IFNA8: variants seen among roughly 807,000 people sequenced by gnomAD.
The protein encoded by IFNA8 is interferon alpha-8.
For missense variants in IFNA8, 246 were observed against 212.3 expected, an observed-to-expected ratio of 1.16 and a Z score of -0.99; for synonymous variants, 91 against 84.4, an observed-to-expected ratio of 1.08 and a Z score of -0.43.
At position 21,409,331 on chromosome 9, in the gene IFNA8, G is replaced by T. The variant is rs780439536; in HGVS notation, c.155G>T (p.Cys52Phe). Residue 52 changes from cysteine (C) to phenylalanine (F), a missense_variant, in exon 1 of 1, where the codon TGC becomes TTC. Coordinates refer to ENST00000380205, the MANE Select transcript of IFNA8 (RefSeq NM_002170.4). The part of the protein sequence containing the change: ...AQMRRISPFS[C>F]LKDRHDFEFP... ...ATGCGAAGAATCTCTCCTTTCTCCT[G>T]CCTGAAGGACAGACATGACTTTGAA... 41 of 1,613,934 alleles carry T rather than the reference G, an allele frequency of 2.5e-5. 1 individual carries two copies. The Admixed American group carries it at 5.0e-4, about 20-fold the overall frequency.
rs1475585211 is a variant in IFNA8 at position 21,409,165 on chromosome 9, A to G, written c.-12A>G. On this transcript the variant is annotated 5_prime_UTR_variant, in exon 1 of 1. Transcript: ENST00000380205. Reference sequence around the variant, plus strand: ...CATCTGAACCAGCTCAGCAGCATCCACAACATCTACAATGGCCTTGACTTT... The same window carrying G: ...CATCTGAACCAGCTCAGCAGCATCCGCAACATCTACAATGGCCTTGACTTT... 6.2e-7 allele frequency: 1 copy of G among 1,612,658 alleles called. No individual in the cohort carries two copies. Among genetic ancestry groups the G allele is most frequent in the Non-Finnish European group, 8.5e-7 (1 of 1,179,070 alleles).
In IFNA8 at chr9:21,409,573, C is replaced by G. The variant is rs543670797; in HGVS notation, c.397C>G (p.Pro133Ala). Residue 133 changes from proline to alanine, a missense_variant, in exon 1 of 1, where the codon CCC becomes GCC. By Grantham distance (27) the Pro-to-Ala change is conservative. Coordinates refer to ENST00000380205, the MANE Select transcript of IFNA8 (RefSeq NM_002170.4). ...GCAGGAAGTGGGGGTGATAGAGTCT[C>G]CCCTGATGTACGAGGACTCCATCCT... ...VMQEVGVIESPLMYEDSILAV... is the reference protein window; with the variant it reads ...VMQEVGVIESALMYEDSILAV... The G allele has an allele frequency of 6.2e-7, 1 of 1,614,002 alleles. No homozygotes were observed. Among genetic ancestry groups the G allele is most frequent in the African/African-American group, 1.3e-5 (1 of 75,016 alleles).
rs147449554 is a variant in IFNA8 at position 21,409,479 on chromosome 9, T to C, written c.303T>C (p.Asp101=). Residue 101 remains aspartate, a synonymous_variant, in exon 1 of 1, where the codon GAT becomes GAC. Transcript: ENST00000380205. ...CAAAGGACTCATCTGCTGCTTTGGA[T>C]GAGACCCTTCTAGATGAATTCTACA... ...FSTKDSSAAL[D]ETLLDEFYIE... 939 of 1,614,028 alleles carry C rather than the reference T, an allele frequency of 5.8e-4. 2 individuals are homozygous for C. Among genetic ancestry groups the C allele is most frequent in the Non-Finnish European group, 7.5e-4 (883 of 1,179,890 alleles).
In IFNA8 at chr9:21,409,570, T is replaced by G. The variant is rs1818016742; in HGVS notation, c.394T>G (p.Ser132Ala). The G allele has an allele frequency of 6.2e-7, 1 of 1,613,650 alleles. No individual in the cohort carries two copies. The highest frequency in any genetic ancestry group is 8.5e-7 in the Non-Finnish European group (1 of 1,179,872). ...GATGCAGGAAGTGGGGGTGATAGAG[T>G]CTCCCCTGATGTACGAGGACTCCAT... ...CVMQEVGVIE[S>A]PLMYEDSILA... Residue 132 changes from serine to alanine, a missense_variant, in exon 1 of 1, where the codon TCT becomes GCT. Transcript: ENST00000380205.
chr9:21,409,638 G>C lies in IFNA8; in HGVS notation c.462G>C (p.Leu154=), dbSNP rs746163587. The change falls in exon 1 of 1, where the codon CTG becomes CTC. Residue 154 remains leucine (L), a synonymous_variant. Transcript: ENST00000380205. ...ACTTCCAAAGAATCACTCTATATCT[G>C]ACAGAGAAGAAATACAGCTCTTGTG... ...RKYFQRITLY[L]TEKKYSSCAW... 6.8e-6 allele frequency: 11 copies of C among 1,613,814 alleles called. No individual in the cohort carries two copies. In the Admixed American group the frequency reaches 8.3e-5, roughly 12 times the overall value.
chr9:21,409,485 C>A lies in IFNA8; in HGVS notation c.309C>A (p.Thr103=), dbSNP rs1370319133. The change falls in exon 1 of 1, where the codon ACC becomes ACA. Residue 103 remains threonine (T), a synonymous_variant. Transcript: ENST00000380205. The part of the protein sequence containing the change: ...TKDSSAALDE[T]LLDEFYIELD... The stretch of plus-strand genomic sequence containing the variant: ...ACTCATCTGCTGCTTTGGATGAGAC[C>A]CTTCTAGATGAATTCTACATCGAAC... 1.9e-6 allele frequency: 3 copies of A among 1,613,990 alleles called. No homozygotes were observed. Among genetic ancestry groups the A allele is most frequent in the Non-Finnish European group, 2.5e-6 (3 of 1,179,958 alleles).
In IFNA8 at chr9:21,409,490, T is replaced by C. The variant is rs1320515223; in HGVS notation, c.314T>C (p.Leu105Pro). The C allele has an allele frequency of 1.9e-6, 3 of 1,613,984 alleles. No homozygotes were observed. The African/African-American group carries it at 4.0e-5, about 22-fold the overall frequency. The change falls in exon 1 of 1, where the codon CTA becomes CCA. Residue 105 changes from leucine (L) to proline (P), a missense_variant. Transcript: ENST00000380205. ...TCTGCTGCTTTGGATGAGACCCTTCTAGATGAATTCTACATCGAACTTGAC... is the reference window on the plus strand; with the variant it reads ...TCTGCTGCTTTGGATGAGACCCTTCCAGATGAATTCTACATCGAACTTGAC... ...DSSAALDETL[L>P]DEFYIELDQQ...
chr9:21,410,130 T>C lies in IFNA8; in HGVS notation c.*384T>C, dbSNP rs913215312. 5.5e-6 allele frequency: 1 copy of C among 182,402 alleles called. No individual in the cohort carries two copies. Among genetic ancestry groups the C allele is most frequent in the Non-Finnish European group, 1.3e-5 (1 of 78,410 alleles). 11.3% of individuals were successfully genotyped at this position (182,402 alleles called of 1,614,324 possible). On this transcript the variant is annotated 3_prime_UTR_variant, in exon 1 of 1. Transcript: ENST00000380205. ...TTACTATAGAAAAATTCTTTATTTA[T>C]TCTTTAAAATTGAACTCCAACCCTG...
In IFNA8 at chr9:21,409,139, C is replaced by T; in HGVS notation, c.-38C>T. 1.9e-6 allele frequency: 3 copies of T among 1,562,980 alleles called. No homozygotes were observed. The highest frequency in any genetic ancestry group is 3.5e-5 in the Admixed American group (2 of 57,942). On this transcript the variant is annotated 5_prime_UTR_variant, in exon 1 of 1. Coordinates refer to ENST00000380205, the MANE Select transcript of IFNA8 (RefSeq NM_002170.4). ...TTCAGAGACCCAGGTTAAGGGTCAT[C>T]CATCTGAACCAGCTCAGCAGCATCC...
At position 21,409,795 on chromosome 9, in the gene IFNA8, A is replaced by G. The variant is rs1818021760; in HGVS notation, c.*49A>G. On this transcript the variant is annotated 3_prime_UTR_variant, in exon 1 of 1. Transcript: ENST00000380205. ...TTCTTATAGACTAATACAGCAGCTC[A>G]CACTTCGACAAGTTGTGCTCTTTCA... 1.3e-6 allele frequency: 2 copies of G among 1,491,712 alleles called. No individual in the cohort carries two copies. The highest frequency in any genetic ancestry group is 1.4e-5 in the African/African-American group (1 of 71,862). The allele number at this position is 1,491,712 out of a possible 1,614,324, so 92.4% of individuals were successfully genotyped here.
chr9:21,409,455 A>T lies in IFNA8; in HGVS notation c.279A>T (p.Thr93=), dbSNP rs200595461. 6 of 1,614,102 alleles carry T rather than the reference A, an allele frequency of 3.7e-6. No homozygotes were observed. The Admixed American group carries it at 8.3e-5, about 22-fold the overall frequency. Residue 93 remains threonine (T), a synonymous_variant, in exon 1 of 1, where the codon ACA becomes ACT. Coordinates refer to ENST00000380205, the MANE Select transcript of IFNA8 (RefSeq NM_002170.4). ...AGCAGACCTTCAACCTCTTCAGCACAAAGGACTCATCTGCTGCTTTGGATG... is the reference window on the plus strand; with the variant it reads ...AGCAGACCTTCAACCTCTTCAGCACTAAGGACTCATCTGCTGCTTTGGATG... ...MIQQTFNLFS[T]KDSSAALDET...
At position 21,409,577 on chromosome 9, in the gene IFNA8, T is replaced by C; in HGVS notation, c.401T>C (p.Leu134Pro). The change falls in exon 1 of 1, where the codon CTG becomes CCG. Residue 134 changes from leucine (L) to proline (P), a missense_variant. Physicochemically the swap from Leu to Pro is moderately conservative, Grantham distance 98. Transcript: ENST00000380205. ...GAAGTGGGGGTGATAGAGTCTCCCC[T>C]GATGTACGAGGACTCCATCCTGGCT... The part of the protein sequence containing the change: ...MQEVGVIESP[L>P]MYEDSILAVR... 2 of 1,613,970 alleles carry C rather than the reference T, an allele frequency of 1.2e-6. No individual in the cohort carries two copies. The highest frequency in any genetic ancestry group is 1.7e-6 in the Non-Finnish European group (2 of 1,179,876).
chr9:21,409,652 A>G lies in IFNA8; in HGVS notation c.476A>G (p.Tyr159Cys), dbSNP rs1818018252. Reference protein sequence around the residue: ...RITLYLTEKKYSSCAWEVVRA... With the variant: ...RITLYLTEKKCSSCAWEVVRA... ...ACTCTATATCTGACAGAGAAGAAAT[A>G]CAGCTCTTGTGCCTGGGAGGTTGTC... Residue 159 changes from tyrosine (Y) to cysteine (C), a missense_variant, in exon 1 of 1, where the codon TAC (tyrosine) becomes TGC (cysteine). Physicochemically the swap from Tyr to Cys is radical, Grantham distance 194. Coordinates refer to ENST00000380205, the MANE Select transcript of IFNA8 (RefSeq NM_002170.4). 1.9e-6 allele frequency: 3 copies of G among 1,613,970 alleles called. No individual in the cohort carries two copies. Among genetic ancestry groups the G allele is most frequent in the Non-Finnish European group, 1.7e-6 (2 of 1,179,840 alleles).
Position 21,409,268 on chromosome 9 carries a change from G to A in IFNA8, c.92G>A (p.Ser31Asn). Residue 31 changes from serine (S) to asparagine (N), a missense_variant, in exon 1 of 1, where the codon AGC becomes AAC. Transcript: ENST00000380205. ...GGCTGTGATCTGCCTCAGACTCACA[G>A]CCTGGGTAACAGGAGGGCCTTGATA... The part of the protein sequence containing the change: ...SLGCDLPQTH[S>N]LGNRRALILL... 6.2e-7 allele frequency: 1 copy of A among 1,614,034 alleles called. No homozygotes were observed. Among genetic ancestry groups the A allele is most frequent in the Non-Finnish European group, 8.5e-7 (1 of 1,179,942 alleles).
In IFNA8 at chr9:21,409,528, G is replaced by A; in HGVS notation, c.352G>A (p.Asp118Asn). Reference protein sequence around the residue: ...FYIELDQQLNDLESCVMQEVG... With the variant: ...FYIELDQQLNNLESCVMQEVG... The stretch of plus-strand genomic sequence containing the variant: ...CATCGAACTTGACCAGCAGCTGAAT[G>A]ACCTGGAGTCCTGTGTGATGCAGGA... Residue 118 changes from aspartate (D) to asparagine (N), a missense_variant, in exon 1 of 1, where the codon GAC (aspartate) becomes AAC (asparagine). Physicochemically the swap from Asp to Asn is conservative, Grantham distance 23 (BLOSUM62 1). Transcript: ENST00000380205. The A allele has an allele frequency of 6.2e-7, 1 of 1,614,044 alleles. No homozygotes were observed. Among genetic ancestry groups the A allele is most frequent in the Non-Finnish European group, 8.5e-7 (1 of 1,179,956 alleles).
At position 21,409,807 on chromosome 9, in the gene IFNA8, G is replaced by T. The variant is rs1008606989; in HGVS notation, c.*61G>T. ...AATACAGCAGCTCACACTTCGACAA[G>T]TTGTGCTCTTTCAAAGACCCTTGTT... On this transcript the variant is annotated 3_prime_UTR_variant, in exon 1 of 1. Coordinates refer to ENST00000380205, the MANE Select transcript of IFNA8 (RefSeq NM_002170.4). 1 of 1,452,446 alleles carries T rather than the reference G, an allele frequency of 6.9e-7. No individual in the cohort carries two copies. Among genetic ancestry groups the T allele is most frequent in the African/African-American group, 1.4e-5 (1 of 70,612 alleles). The allele number at this position is 1,452,446 out of a possible 1,614,324, so 90.0% of individuals were successfully genotyped here.
In IFNA8 at chr9:21,409,160, C is replaced by A; in HGVS notation, c.-17C>A. The stretch of plus-strand genomic sequence containing the variant: ...TCATCCATCTGAACCAGCTCAGCAG[C>A]ATCCACAACATCTACAATGGCCTTG... On this transcript the variant is annotated 5_prime_UTR_variant, in exon 1 of 1. Transcript: ENST00000380205. 6.2e-7 allele frequency: 1 copy of A among 1,610,404 alleles called. No individual in the cohort carries two copies. Among genetic ancestry groups the A allele is most frequent in the Non-Finnish European group, 8.5e-7 (1 of 1,176,970 alleles).
Position 21,409,818 on chromosome 9 carries a change from T to C in IFNA8, c.*72T>C. 1 of 1,366,060 alleles carries C rather than the reference T, an allele frequency of 7.3e-7. No individual in the cohort carries two copies. The highest frequency in any genetic ancestry group is 1.2e-5 in the South Asian group (1 of 81,428). The allele number at this position is 1,366,060 out of a possible 1,614,324, so 84.6% of individuals were successfully genotyped here. On this transcript the variant is annotated 3_prime_UTR_variant, in exon 1 of 1. Coordinates refer to ENST00000380205, the MANE Select transcript of IFNA8 (RefSeq NM_002170.4). ...TCACACTTCGACAAGTTGTGCTCTT[T>C]CAAAGACCCTTGTTTCTGCCAAAAC...
chr9:21,409,307 T>C lies in IFNA8; in HGVS notation c.131T>C (p.Met44Thr), dbSNP rs370201266. Residue 44 changes from methionine (M) to threonine (T), a missense_variant, in exon 1 of 1, where the codon ATG (methionine) becomes ACG (threonine). Transcript: ENST00000380205. The part of the protein sequence containing the change: ...NRRALILLAQ[M>T]RRISPFSCLK... ...AGGGCCTTGATACTCCTGGCACAAA[T>C]GCGAAGAATCTCTCCTTTCTCCTGC... is the stretch of plus-strand genomic sequence containing the variant. The C allele has an allele frequency of 6.2e-7, 1 of 1,613,926 alleles. No homozygotes were observed. Among genetic ancestry groups the C allele is most frequent in the African/African-American group, 1.3e-5 (1 of 74,904 alleles).
Sources: allele counts gnomAD v4.1 joint callset, GRCh38; gene constraint gnomAD v4.1.1; transcripts MANE v1.5; gene names NCBI Gene and HGNC (gene_info 2026-07-23, HGNC 2026-07-21).